Variants in PTPRD observed in about 807,000 individuals in gnomAD.
PTPRD encodes receptor-type tyrosine-protein phosphatase delta.
In PTPRD, 34 loss-of-function variants were observed where a neutral mutation model predicts 214.5. The observed-to-expected ratio is 0.16, with a 90% CI of 0.12 to 0.21. The LOEUF is 0.21. PTPRD is among the 10% of genes least tolerant of loss of function. The probability of loss-of-function intolerance (pLI) is 1.00; values close to 1 mark genes in which losing one functional copy is unlikely to be tolerated. For missense variants in PTPRD, 2,545 were observed against 2,398.7 expected (o/e 1.06, Z -1.27); for synonymous variants, 1,128 against 845.7 (o/e 1.33, Z -5.79).
intron 8 of PTPRD, among the ~76,000 whole-genome samples, chr9:9,434,448 T>A (rs959854344): frequency 6.6e-6 from 1 of 152,198 alleles, no homozygotes; most frequent in Non-Finnish European, 1.5e-5. Context: ...CCCAAAGTGA[T>A]CTACAGATTT....
chr9:8,465,879 T>C (rs2096534836), intron 31 of PTPRD, among the ~76,000 whole-genome samples: 1 of 151,902 alleles, frequency 6.6e-6, no homozygotes, highest in Non-Finnish European at 1.5e-5. Flanking sequence ...GGTAAGATAC[T>C]GGACTGCTCT....
intron 8 of PTPRD, among the ~76,000 whole-genome samples, chr9:9,398,115 T>C: frequency 7.0e-6 from 1 of 142,062 alleles, no homozygotes; most frequent in East Asian, 2.5e-4. Flanking sequence ...CCCTCCCTGC[T>C]TCTCTTTCTC....
At chr9:10,389,930 G>A (rs889577429) in intron 2 of PTPRD, among the ~76,000 whole-genome samples, 2 of 151,760 alleles carry the variant, frequency 1.3e-5, no homozygotes, top group Non-Finnish European at 2.9e-5. Context: ...GGGATATTGT[G>A]ATCTAATGAT....
At chr9:10,316,261 A>T (rs1372429993) in intron 3 of PTPRD, among the ~76,000 whole-genome samples, 11 of 151,266 alleles carry the variant, frequency 7.3e-5, no homozygotes, top group Non-Finnish European at 1.5e-4. Flanking sequence ...AAAGTATACT[A>T]TTCCCAATAA....
At chr9:9,995,700 C>T (rs1045583562) in intron 4 of PTPRD, among the ~76,000 whole-genome samples, 1 of 152,150 alleles carries the variant, frequency 6.6e-6, no homozygotes, top group Non-Finnish European at 1.5e-5. Context: ...TTTTACTCTA[C>T]CTACTTCCTA....
chr9:8,623,207 C>T (rs921022805), intron 14 of PTPRD, among the ~76,000 whole-genome samples: 2 of 151,782 alleles, frequency 1.3e-5, no homozygotes, highest in Non-Finnish European at 2.9e-5. Context: ...TGCTTACTGC[C>T]ATGTGTACAG....
At chr9:9,437,370 G>A (rs1335434737) in intron 8 of PTPRD, among the ~76,000 whole-genome samples, 1 of 151,926 alleles carries the variant, frequency 6.6e-6, no homozygotes, top group Non-Finnish European at 1.5e-5. Flanking sequence ...ATTTTTGATT[G>A]CACTGTCACC....
At chr9:9,746,649 A>G (rs1326213648) in intron 6 of PTPRD, among the ~76,000 whole-genome samples, 1 of 152,156 alleles carries the variant, frequency 6.6e-6, no homozygotes, top group African/African-American at 2.4e-5. Flanking sequence ...GAGAAGTTGG[A>G]TGAGAAGTGA....
rs569947907 is a variant in PTPRD, at chr9:8,700,708, C to T, written c.64+33072G>A. 5.9e-5 allele frequency: 9 copies of T among 152,322 alleles called. No homozygotes were observed. In the East Asian group the frequency reaches 1.4e-3, roughly 23 times the overall value. The allele number at this position is 152,322 out of a possible 1,614,324, so 9.4% of individuals were successfully genotyped here. ...TCACTAAGCAGTGAACAAATCCACA[C>T]ACACACAAATCTGAAGTTGCATTAA... On this transcript the variant is annotated intron_variant, in intron 12 of 45. Transcript: ENST00000381196.
At chr9:9,680,441 C>G (rs572558459) in intron 7 of PTPRD, among the ~76,000 whole-genome samples, 1 of 151,902 alleles carries the variant, frequency 6.6e-6, no homozygotes, top group African/African-American at 2.4e-5. Context: ...CTTTCTGGTA[C>G]TTCTAGGTTT....
At chr9:8,598,515 T>C (rs2094599255) in intron 14 of PTPRD, among the ~76,000 whole-genome samples, 1 of 151,962 alleles carries the variant, frequency 6.6e-6, no homozygotes, top group Admixed American at 6.6e-5. Flanking sequence ...ATCTGAAAAG[T>C]ATCAAAGTAC....
intron 8 of PTPRD, among the ~76,000 whole-genome samples, chr9:9,507,093 T>C (rs773579039): frequency 1.3e-5 from 2 of 151,326 alleles, no homozygotes; most frequent in Admixed American, 6.6e-5. Flanking sequence ...TGCCAGAAGT[T>C]TGAATTCTAG....
chr9:8,318,259 T>G (rs1482250309), intron 45 of PTPRD, among the ~76,000 whole-genome samples: 2 of 152,040 alleles, frequency 1.3e-5, no homozygotes, highest in Non-Finnish European at 2.9e-5. Flanking sequence ...ATTGAACACA[T>G]AAACTTCTTA....
At chr9:9,269,404 A>G (rs1271497239) in intron 9 of PTPRD, among the ~76,000 whole-genome samples, 2 of 151,274 alleles carry the variant, frequency 1.3e-5, no homozygotes, top group Non-Finnish European at 3.0e-5. Flanking sequence ...CATTGTTGGT[A>G]GGAATGTAAA....
At chr9:10,322,326 C>G (rs1395282380) in intron 3 of PTPRD, among the ~76,000 whole-genome samples, 1 of 151,996 alleles carries the variant, frequency 6.6e-6, no homozygotes, top group Non-Finnish European at 1.5e-5. Context: ...CAAATGCAAG[C>G]TAAAGCTAGT....
chr9:8,786,033 TTGTGTG>T (rs34200290), intron 11 of PTPRD, among the ~76,000 whole-genome samples: 90 of 143,326 alleles, frequency 6.3e-4, no homozygotes, highest in African/African-American at 2.0e-3. Context: ...GCTTAATTTG[TTGTGTG>T]TGTGTGTGTG....
At chr9:10,071,252 A>G (rs966979665) in intron 3 of PTPRD, among the ~76,000 whole-genome samples, 1 of 152,052 alleles carries the variant, frequency 6.6e-6, no homozygotes, top group Non-Finnish European at 1.5e-5. Flanking sequence ...TATTTTGTAT[A>G]TATGGATAAC....
chr9:10,581,272 G>A (rs1461543132), intron 2 of PTPRD, among the ~76,000 whole-genome samples: 1 of 152,058 alleles, frequency 6.6e-6, no homozygotes. Flanking sequence ...CAAAACAACT[G>A]TCAATCTTAA....
intron 11 of PTPRD, among the ~76,000 whole-genome samples, chr9:8,805,008 A>G (rs1211134711): frequency 6.6e-6 from 1 of 152,244 alleles, no homozygotes; most frequent in Non-Finnish European, 1.5e-5. Flanking sequence ...GGGGAGGCTC[A>G]GAAGGGATTA....
Sources: allele counts gnomAD v4.1 joint callset (sites outside exome capture counted in the v4.1 genomes callset), GRCh38; gene constraint gnomAD v4.1.1; transcripts MANE v1.5; gene names NCBI Gene and HGNC (gene_info 2026-07-23, HGNC 2026-07-21).